CNTN5: variants seen among roughly 807,000 people sequenced by gnomAD.
The protein encoded by CNTN5 is contactin-5.
CNTN5 carries 77 observed loss-of-function variants against 129.1 expected under a neutral mutation model. The ratio of observed to expected loss-of-function variants is 0.60; its 90% confidence interval spans 0.50 to 0.72. The LOEUF (loss-of-function observed/expected upper bound fraction) is 0.72, where lower values mean the gene tolerates loss of function less well. Among genes scored for constraint, CNTN5 ranks in the 30% least tolerant of loss-of-function variants. The probability of loss-of-function intolerance (pLI) is 0.00; values close to 1 mark genes in which losing one functional copy is unlikely to be tolerated. For synonymous variants in CNTN5, 509 were observed against 465.6 expected, an observed-to-expected ratio of 1.09 and a Z score of -1.20; for missense variants, 1,478 against 1,328.8, an observed-to-expected ratio of 1.11 and a Z score of -1.75.
At chr11:99,042,437 G>T (rs1046542218) in intron 1 of CNTN5, among the ~76,000 whole-genome samples, 1 of 137,432 alleles carries the variant, frequency 7.3e-6, no homozygotes, top group African/African-American at 2.8e-5. Context: ...GTGCAGTGGC[G>T]CAATCTCGGC....
intron 1 of CNTN5, among the ~76,000 whole-genome samples, chr11:99,065,683 T>C (rs1363174491): frequency 1.3e-5 from 2 of 152,072 alleles, no homozygotes; most frequent in Non-Finnish European, 2.9e-5. Context: ...TACATGCACT[T>C]TTGAAACCAT....
chr11:99,641,823 C>G (rs1690812), intron 3 of CNTN5, among the ~76,000 whole-genome samples: 91,374 of 151,982 alleles, frequency 0.6, 28,301 homozygotes, highest in Admixed American at 0.69. Flanking sequence ...CCTGCTCAAT[C>G]CTGCTATTAA....
chr11:99,356,977 T>C (rs1422266473), intron 2 of CNTN5, among the ~76,000 whole-genome samples: 1 of 152,152 alleles, frequency 6.6e-6, no homozygotes, highest in Non-Finnish European at 1.5e-5. Flanking sequence ...GATTGTCAAG[T>C]ATAGAAAAAG....
chr11:99,965,393 A>T (rs1951066655), intron 8 of CNTN5, among the ~76,000 whole-genome samples: 1 of 151,946 alleles, frequency 6.6e-6, no homozygotes, highest in South Asian at 2.1e-4. Flanking sequence ...GAACGTCTTT[A>T]TTTCTGCCTT....
At chr11:99,278,330 A>T (rs2135880349) in intron 1 of CNTN5, among the ~76,000 whole-genome samples, 1 of 151,838 alleles carries the variant, frequency 6.6e-6, no homozygotes, top group Non-Finnish European at 1.5e-5. Flanking sequence ...ATGAGGATGG[A>T]GATGAGTAAA....
chr11:100,114,242 T>G (rs1279361315), intron 13 of CNTN5, among the ~76,000 whole-genome samples: 2 of 152,118 alleles, frequency 1.3e-5, no homozygotes, highest in Admixed American at 6.6e-5. Context: ...GATGAAACAT[T>G]TTTTTCTTAA....
At chr11:99,174,334 T>G (rs1416346578) in intron 1 of CNTN5, among the ~76,000 whole-genome samples, 1 of 152,126 alleles carries the variant, frequency 6.6e-6, no homozygotes, top group East Asian at 1.9e-4. Context: ...TCTGTCTCTG[T>G]CTCTCTCTCT....
intron 21 of CNTN5, among the ~76,000 whole-genome samples, chr11:100,324,233 A>G (rs1382650408): frequency 6.6e-6 from 1 of 152,120 alleles, no homozygotes; most frequent in Non-Finnish European, 1.5e-5. Context: ...GTGGGAAGGG[A>G]GTGGGCTGAT....
intron 22 of CNTN5, 48 bp downstream of exon 22, chr11:100,340,697 G>A (rs202081338): frequency 4.7e-6 from 7 of 1,496,618 alleles, no homozygotes; most frequent in South Asian, 1.3e-5. Flanking sequence ...GGGAAACATC[G>A]TATAACATTT....
intron 3 of CNTN5, among the ~76,000 whole-genome samples, chr11:99,759,116 C>A (rs1189082873): frequency 6.6e-6 from 1 of 151,898 alleles, no homozygotes; most frequent in South Asian, 2.1e-4. Context: ...GGGTGTTCTC[C>A]CCATTATGCA....
intron 2 of CNTN5, among the ~76,000 whole-genome samples, chr11:99,536,106 C>T (rs1053319471): frequency 6.6e-6 from 1 of 152,036 alleles, no homozygotes; most frequent in Non-Finnish European, 1.5e-5. Flanking sequence ...TAAATATTAA[C>T]TGATGAAACT....
intron 2 of CNTN5, among the ~76,000 whole-genome samples, chr11:99,417,664 A>G (rs1942718732): frequency 6.6e-6 from 1 of 152,054 alleles, no homozygotes; most frequent in African/African-American, 2.4e-5. Flanking sequence ...ATGCTTATTC[A>G]ATTGTAAGTA....
chr11:100,350,935 A>G, intron 24 of CNTN5, 65 bp downstream of exon 24: 1 of 1,245,568 alleles, frequency 8.0e-7, no homozygotes, highest in Non-Finnish European at 1.1e-6. Context: ...TATGAAAGTC[A>G]CGAAAATTGA....
chr11:99,845,665 C>T (rs111630277), intron 6 of CNTN5, among the ~76,000 whole-genome samples: 188 of 152,274 alleles, frequency 1.2e-3, no homozygotes, highest in African/African-American at 3.8e-3. Context: ...AGCCACCGCG[C>T]CCGGCCCTTC....
intron 3 of CNTN5, among the ~76,000 whole-genome samples, chr11:99,727,540 A>T (rs1943393638): frequency 6.6e-6 from 1 of 151,860 alleles, no homozygotes; most frequent in Admixed American, 6.6e-5. Context: ...TAAGCATCAA[A>T]TTTTCCTGGA....
At chr11:99,600,404 A>C (rs1950277157) in intron 3 of CNTN5, among the ~76,000 whole-genome samples, 1 of 152,198 alleles carries the variant, frequency 6.6e-6, no homozygotes, top group African/African-American at 2.4e-5. Flanking sequence ...ACATTTAATT[A>C]TTTGCATAAT....
chr11:100,173,640 G>T (rs2005113), intron 13 of CNTN5, among the ~76,000 whole-genome samples: 2,312 of 152,240 alleles, frequency 0.015, 97 homozygotes, highest in Admixed American at 0.087. Context: ...GTAGTTGAAA[G>T]AAGTTTAGAA....
intron 13 of CNTN5, among the ~76,000 whole-genome samples, chr11:100,189,904 T>C (rs1438312499): frequency 6.6e-6 from 1 of 152,162 alleles, no homozygotes; most frequent in Non-Finnish European, 1.5e-5. Context: ...GTTTGATCCA[T>C]ATTGGAAACC....
chr11:99,374,822 T>G (rs565227178), intron 2 of CNTN5, among the ~76,000 whole-genome samples: 1 of 141,206 alleles, frequency 7.1e-6, no homozygotes, highest in South Asian at 2.2e-4. Context: ...TGCCACCAAA[T>G]GCAATAGAAA....
Sources: gnomAD v4.1 joint callset for allele counts (sites outside exome capture counted in the v4.1 genomes callset) on GRCh38, gnomAD v4.1.1 for gene constraint, MANE v1.5 for transcripts, NCBI Gene and HGNC (gene_info 2026-07-23, HGNC 2026-07-21) for gene names.